Variants in COL24A1 observed in about 807,000 individuals in gnomAD.
COL24A1 encodes the protein collagen type XXIV alpha 1 chain, also known as collagen alpha-1(XXIV) chain.
In COL24A1, 224 loss-of-function variants were observed where a neutral mutation model predicts 253.9. The observed-to-expected ratio is 0.88, with a 90% confidence interval of 0.79 to 0.99. The LOEUF (loss-of-function observed/expected upper bound fraction) is 0.99. Ranked by LOEUF, COL24A1 falls within the 50% of genes least tolerant of loss-of-function variation. The pLI, the probability that COL24A1 is intolerant of heterozygous loss-of-function variation, is 0.00. For missense variants in COL24A1, 2,131 were observed against 2,068.5 expected (o/e 1.03, Z -0.59); for synonymous variants, 685 against 673.7 (o/e 1.02, Z -0.26).
intron 24 of COL24A1, among the ~76,000 whole-genome samples, chr1:85,916,476 A>T (rs1274173696): frequency 1.3e-5 from 2 of 152,194 alleles, no homozygotes; most frequent in African/African-American, 4.8e-5. Flanking sequence ...GTTTCCTTGC[A>T]GCCTAGGCAA....
intron 42 of COL24A1, among the ~76,000 whole-genome samples, chr1:85,839,642 G>A (rs1276662938): frequency 6.6e-6 from 1 of 151,780 alleles, no homozygotes; most frequent in Non-Finnish European, 1.5e-5. Flanking sequence ...GAGGTGGGAG[G>A]ATCACTTAGC....
At chr1:85,912,622 T>C (rs887572208) in intron 24 of COL24A1, among the ~76,000 whole-genome samples, 8 of 152,178 alleles carry the variant, frequency 5.3e-5, no homozygotes, top group Non-Finnish European at 8.8e-5. Flanking sequence ...ATATAACATA[T>C]ATTAAGTGTT....
chr1:85,914,794 A>G (rs1685730913), intron 24 of COL24A1, among the ~76,000 whole-genome samples: 1 of 152,208 alleles, frequency 6.6e-6, no homozygotes, highest in Admixed American at 6.5e-5. Context: ...TATAAAGGAG[A>G]AGAGTAAACA....
rs374634597 is a variant in COL24A1 at position 85,784,390 on chromosome 1, G to A, written c.4060-24C>T. 2.4e-5 allele frequency: 36 copies of A among 1,527,036 alleles called. 1 individual carries two copies. The highest frequency in any genetic ancestry group is 1.7e-4 in the Middle Eastern group (1 of 5,922). 94.6% of individuals were successfully genotyped at this position (1,527,036 alleles called of 1,614,324 possible). A position where few individuals can be genotyped will look rare whatever the true frequency, so the allele number is the denominator to read the frequency against. ...CCCTATGGGTAGAACAAAGAAAAGCGATCTTTACATCAGAACATATAAACA... is the reference window on the plus strand; with the variant it reads ...CCCTATGGGTAGAACAAAGAAAAGCAATCTTTACATCAGAACATATAAACA... On this transcript the variant is annotated intron_variant, in intron 48 of 59. Coordinates refer to ENST00000370571, the MANE Select transcript of COL24A1 (RefSeq NM_152890.7).
intron 47 of COL24A1, among the ~76,000 whole-genome samples, chr1:85,806,664 G>A (rs886083723): frequency 7.5e-6 from 1 of 133,264 alleles, no homozygotes; most frequent in Admixed American, 7.5e-5. Flanking sequence ...ACAAAAACAG[G>A]CTGATTTGTT....
chr1:85,746,507 T>C (rs574524945), intron 55 of COL24A1, among the ~76,000 whole-genome samples: 40 of 152,284 alleles, frequency 2.6e-4, no homozygotes, highest in African/African-American at 8.4e-4. Context: ...AGATAGGCAA[T>C]AATTAAATTA....
At chr1:85,841,133 T>A (rs2102244773) in intron 42 of COL24A1, 89 bp downstream of exon 42, 2 of 927,136 alleles carry the variant, frequency 2.2e-6, no homozygotes. Context: ...AAAAGAAAAC[T>A]CCTTGAAAAG....
chr1:85,784,143 C>T lies in COL24A1; in HGVS notation c.4191G>A (p.Leu1397=). 2 of 1,613,632 alleles carry T rather than the reference C, an allele frequency of 1.2e-6. No individual in the cohort carries two copies. The highest frequency in any genetic ancestry group is 1.7e-6 in the Non-Finnish European group (2 of 1,179,720). The change falls in exon 50 of 60, where the codon TTG becomes TTA. Residue 1397 remains leucine (L), a synonymous_variant. Coordinates refer to ENST00000370571, the MANE Select transcript of COL24A1 (RefSeq NM_152890.7). ...GGCCTGGGAATCCTTGGAAACCTGT[C>T]AAACCTTGAACACCATATTCTCCCT... ...GQPGEYGVQG[L]TGFQGFPGPK... is the part of the protein sequence containing the mutation.
At chr1:86,099,025 G>C (rs1195357648) in intron 5 of COL24A1, among the ~76,000 whole-genome samples, 1 of 152,110 alleles carries the variant, frequency 6.6e-6, no homozygotes, top group Admixed American at 6.5e-5. Context: ...TGAAGTATAT[G>C]TAGAATGTTG....
At chr1:85,926,967 G>C (rs914120656) in intron 24 of COL24A1, among the ~76,000 whole-genome samples, 2 of 152,186 alleles carry the variant, frequency 1.3e-5, no homozygotes, top group African/African-American at 4.8e-5. Context: ...CAAATTCATA[G>C]AATTTAGCAA....
At chr1:86,004,134 CCA>C (rs1558972479) in intron 19 of COL24A1, among the ~76,000 whole-genome samples, 1 of 152,166 alleles carries the variant, frequency 6.6e-6, no homozygotes, top group Non-Finnish European at 1.5e-5. Context: ...CCAACAAAGT[CCA>C]CATTATGTCA....
chr1:85,868,443 G>A, intron 37 of COL24A1, 76 bp downstream of exon 37: 1 of 975,346 alleles, frequency 1.0e-6, no homozygotes, highest in Non-Finnish European at 1.6e-6. Context: ...GTCAGAGTGT[G>A]TGTAGGTTTG....
chr1:85,953,321 T>A (rs182932105), intron 24 of COL24A1, among the ~76,000 whole-genome samples: 1 of 152,114 alleles, frequency 6.6e-6, no homozygotes, highest in Non-Finnish European at 1.5e-5. Flanking sequence ...CTTTATAATA[T>A]CCCTACCTAA....
intron 19 of COL24A1, among the ~76,000 whole-genome samples, chr1:85,991,984 T>C: frequency 6.6e-6 from 1 of 151,920 alleles, no homozygotes; most frequent in East Asian, 1.9e-4. Context: ...ATATGTTACA[T>C]ATGTAACAAC....
intron 45 of COL24A1, among the ~76,000 whole-genome samples, chr1:85,818,289 TC>T (rs1673253376): frequency 6.6e-6 from 1 of 152,180 alleles, no homozygotes; most frequent in Admixed American, 6.6e-5. Flanking sequence ...TCTAGTAATT[TC>T]CTTGTAGCTC....
chr1:86,010,963 AC>A lies in COL24A1; in HGVS notation c.2310+6187del, dbSNP rs752904651. On this transcript the variant is annotated intron_variant, in intron 19 of 59. Transcript: ENST00000370571. ...TCACAAGAAAGATACACCAGAAACT[AC>A]TGAGATTGGATACCTCAGGGGGCAG... Among the ~76,000 whole-genome samples the A allele has an allele frequency of 3.3e-5, 5 of 152,158 alleles. No homozygotes were observed. The East Asian group carries it at 7.7e-4, about 23-fold the overall frequency.
At chr1:85,950,880 G>A (rs150948794) in intron 24 of COL24A1, among the ~76,000 whole-genome samples, 3 of 152,286 alleles carry the variant, frequency 2.0e-5, no homozygotes, top group East Asian at 3.9e-4. Context: ...GACATTACAG[G>A]CAACTAGTAG....
At chr1:86,104,587 T>C (rs796430725) in intron 5 of COL24A1, among the ~76,000 whole-genome samples, 1 of 152,234 alleles carries the variant, frequency 6.6e-6, no homozygotes, top group African/African-American at 2.4e-5. Context: ...TTGAGGGTTT[T>C]ATTGTGATAT....
At chr1:85,799,008 C>T (rs772777247) in intron 47 of COL24A1, among the ~76,000 whole-genome samples, 8 of 151,966 alleles carry the variant, frequency 5.3e-5, no homozygotes, top group Non-Finnish European at 1.0e-4. Context: ...AAGTTGAACT[C>T]GATGAAAACA....
Sources: allele counts gnomAD v4.1 joint callset (sites outside exome capture counted in the v4.1 genomes callset), GRCh38; gene constraint gnomAD v4.1.1; transcripts MANE v1.5; gene names NCBI Gene and HGNC (gene_info 2026-07-23, HGNC 2026-07-21).